The following COL10A1 variants were observed in gnomAD, a reference collection of about 807,000 sequenced individuals.
COL10A1 encodes the protein collagen type X alpha 1 chain.
A neutral mutation model predicts 18.2 loss-of-function variants in COL10A1; 10 were observed. The observed-to-expected ratio is 0.55, with a 90% CI of 0.34 to 0.93. The LOEUF is 0.93. COL10A1 is among the 40% of genes least tolerant of loss of function. COL10A1 has a pLI of 0.02. For missense variants in COL10A1, 897 were observed against 853.5 expected (o/e 1.05, Z -0.64); for synonymous variants, 330 against 316.6 (o/e 1.04, Z -0.45).
intron 1 of COL10A1, among the ~76,000 whole-genome samples, chr6:116,149,378 TAGAC>T (rs1779977311): frequency 6.6e-6 from 1 of 152,206 alleles, no homozygotes; most frequent in Non-Finnish European, 1.5e-5. Context: ...GGAAATCAAA[TAGAC>T]AGTGTGTCTT....
intron 1 of COL10A1, among the ~76,000 whole-genome samples, chr6:116,138,680 A>G (rs1344695890): frequency 3.9e-5 from 6 of 152,166 alleles, no homozygotes; most frequent in Admixed American, 3.9e-4. Flanking sequence ...AAACTTCTCA[A>G]TATTTTGGGA....
chr6:116,193,272 A>C, the COL10A1 span, among the ~76,000 whole-genome samples: 3 of 152,066 alleles, frequency 2.0e-5, no homozygotes, highest in Non-Finnish European at 4.4e-5. Flanking sequence ...AGAAGTGGAG[A>C]TATTGTGCTT....
chr6:116,154,029 C>CTTTT (rs34356532), intron 1 of COL10A1, among the ~76,000 whole-genome samples: 2 of 122,340 alleles, frequency 1.6e-5, no homozygotes, highest in African/African-American at 6.2e-5. Flanking sequence ...GGGAAGATTT[C>CTTTT]TTTTTTTTTT....
chr6:116,146,443 T>G (rs886861282), intron 1 of COL10A1, among the ~76,000 whole-genome samples: 6 of 152,226 alleles, frequency 3.9e-5, no homozygotes, highest in East Asian at 1.9e-4. Context: ...ATAACTGGAG[T>G]TGCTTTACTC....
At chr6:116,126,640 T>A (rs1779321049), upstream of COL10A1, among the ~76,000 whole-genome samples, 1 of 152,302 alleles carries the variant, frequency 6.6e-6, no homozygotes, top group South Asian at 2.1e-4. Flanking sequence ...TTAATTACTT[T>A]TAGGCTTTTA....
At position 116,121,676 on chromosome 6, in the gene COL10A1, G is replaced by A. The variant is rs767080515; in HGVS notation, c.440C>T (p.Pro147Leu). Reference sequence around the variant, plus strand: ...TGGCACAGAAATTCCAGCCGGTCCAGGGATTCCAGGTGGTCCTGGTGGGCC... The same window carrying A: ...TGGCACAGAAATTCCAGCCGGTCCAAGGATTCCAGGTGGTCCTGGTGGGCC... ...PRGPPGPPGI[P>L]GPAGISVPGK... Residue 147 changes from proline to leucine, a missense_variant, in exon 3 of 3, where the codon CCT becomes CTT. Pro to Leu is a moderately conservative substitution (Grantham distance 98). Coordinates refer to ENST00000651968, the MANE Select transcript of COL10A1 (RefSeq NM_000493.4). The A allele has an allele frequency of 3.1e-6, 5 of 1,613,842 alleles. No homozygotes were observed. Among genetic ancestry groups the A allele is most frequent in the Non-Finnish European group, 3.4e-6 (4 of 1,179,752 alleles).
chr6:116,120,953 G>C lies in COL10A1; in HGVS notation c.1163C>G (p.Pro388Arg). 1 of 1,613,882 alleles carries C rather than the reference G, an allele frequency of 6.2e-7. No individual in the cohort carries two copies. Among genetic ancestry groups the C allele is most frequent in the Non-Finnish European group, 8.5e-7 (1 of 1,179,890 alleles). The change falls in exon 3 of 3, where the codon CCA (proline) becomes CGA (arginine). Residue 388 changes from proline to arginine, a missense_variant. Coordinates refer to ENST00000651968, the MANE Select transcript of COL10A1 (RefSeq NM_000493.4). The stretch of plus-strand genomic sequence containing the variant: ...GAGACCTGGTTTTCCTGGGTACCCT[G>C]GTTTTCCATCTGACCCAGGGGAACC... Reference protein sequence around the residue: ...ERGSPGSDGKPGYPGKPGLDG... With the variant: ...ERGSPGSDGKRGYPGKPGLDG...
chr6:116,135,834 GATATATAT>G (rs199827970), intron 1 of COL10A1, among the ~76,000 whole-genome samples: 2,053 of 102,348 alleles, frequency 0.02, 44 homozygotes, highest in Middle Eastern at 0.034. Flanking sequence ...TATATTTTCA[GATATATAT>G]ATATATATAT....
At chr6:116,168,628 A>T in the COL10A1 span, among the ~76,000 whole-genome samples, 868 of 148,128 alleles carry the variant, frequency 5.9e-3, 17 homozygotes, top group South Asian at 0.048. Context: ...CCTTTTTTTG[A>T]TTGTTTGTTT....
chr6:116,177,050 C>G, the COL10A1 span, among the ~76,000 whole-genome samples: 54 of 152,146 alleles, frequency 3.5e-4, no homozygotes, highest in African/African-American at 1.3e-3. Flanking sequence ...CAACTAAAAT[C>G]TGAAGTTTTG....
chr6:116,171,044 ATC>A, the COL10A1 span, among the ~76,000 whole-genome samples: 6 of 150,994 alleles, frequency 4.0e-5, no homozygotes, highest in African/African-American at 1.5e-4. Flanking sequence ...TGATTCACAC[ATC>A]TCTCTGTTTT....
intron 1 of COL10A1, among the ~76,000 whole-genome samples, chr6:116,138,081 AAAAAG>A (rs931010167): frequency 2.0e-5 from 3 of 152,182 alleles, no homozygotes; most frequent in Non-Finnish European, 4.4e-5. Flanking sequence ...CTGCTCAAAA[AAAAAG>A]AAAAGAAAGA....
intron 1 of COL10A1, among the ~76,000 whole-genome samples, chr6:116,155,864 A>T (rs904397601): frequency 8.5e-5 from 13 of 152,124 alleles, no homozygotes; most frequent in African/African-American, 2.9e-4. Context: ...ATTTTATGCT[A>T]TCTTTTATAT....
the COL10A1 span, among the ~76,000 whole-genome samples, chr6:116,210,765 A>G: frequency 6.6e-6 from 1 of 152,100 alleles, no homozygotes; most frequent in African/African-American, 2.4e-5. Context: ...TTAATGCCAT[A>G]GGAAATTCCT....
chr6:116,206,201 C>T, the COL10A1 span, among the ~76,000 whole-genome samples: 2 of 151,938 alleles, frequency 1.3e-5, no homozygotes, highest in Non-Finnish European at 2.9e-5. Flanking sequence ...TGCAGTGTGG[C>T]CCATAGCATT....
Position 116,144,525 on chromosome 6 carries a change from G to A in COL10A1, c.-16+14089C>T, listed in dbSNP as rs532049582. On this transcript the variant is annotated intron_variant, in intron 1 of 1. Transcript: ENST00000418500. Reference sequence around the variant, plus strand: ...AAAAAAAAAAAAAAGTGTAAAAGGAGAACACCAACTTTCATGAGTTTCTCC... The same window carrying A: ...AAAAAAAAAAAAAAGTGTAAAAGGAAAACACCAACTTTCATGAGTTTCTCC... 1.2e-4 allele frequency among the ~76,000 whole-genome samples: 19 copies of A among 152,034 alleles called. No homozygotes were observed. In the East Asian group the frequency reaches 3.1e-3, roughly 25 times the overall value.
intron 1 of COL10A1, among the ~76,000 whole-genome samples, chr6:116,153,953 G>C (rs1780116332): frequency 6.6e-6 from 1 of 151,270 alleles, no homozygotes; most frequent in South Asian, 2.1e-4. Context: ...GTGTAAAGCT[G>C]TATGTATTGC....
intron 1 of COL10A1, among the ~76,000 whole-genome samples, chr6:116,150,469 G>A (rs1222751131): frequency 2.0e-5 from 3 of 152,068 alleles, no homozygotes; most frequent in Non-Finnish European, 4.4e-5. Context: ...ATTTTTAATA[G>A]AGACAGGGTT....
the COL10A1 span, among the ~76,000 whole-genome samples, chr6:116,200,730 A>G: frequency 6.6e-6 from 1 of 151,954 alleles, no homozygotes; most frequent in Non-Finnish European, 1.5e-5. Flanking sequence ...TATGGATCGT[A>G]CTTCATCTCT....
Sources: allele counts gnomAD v4.1 joint callset (sites outside exome capture counted in the v4.1 genomes callset), GRCh38; gene constraint gnomAD v4.1.1; transcripts MANE v1.5; gene names NCBI Gene and HGNC (gene_info 2026-07-23, HGNC 2026-07-21).